Variants in ZNF385D observed in about 807,000 individuals in gnomAD.
ZNF385D encodes the protein zinc finger protein 659.
In ZNF385D, 15 loss-of-function variants were observed where a neutral mutation model predicts 35.8. The ratio of observed to expected loss-of-function variants is 0.42; its 90% CI spans 0.28 to 0.64. ZNF385D has a LOEUF of 0.64. ZNF385D is among the 30% of genes least tolerant of loss of function. The pLI, the probability that ZNF385D is intolerant of heterozygous loss-of-function variation, is 0.23. For missense variants in ZNF385D, 474 were observed against 494.6 expected, an observed-to-expected ratio of 0.96 and a Z score of 0.39; for synonymous variants, 212 against 186.8, an observed-to-expected ratio of 1.13 and a Z score of -1.10.
chr3:22,139,756 A>C (rs1376292589), intron 3 of ZNF385D, among the ~76,000 whole-genome samples: 1 of 151,462 alleles, frequency 6.6e-6, no homozygotes, highest in Non-Finnish European at 1.5e-5. Context: ...CCTAAAACTT[A>C]AAGTATAATA....
intron 3 of ZNF385D, among the ~76,000 whole-genome samples, chr3:21,928,895 C>A (rs537902967): frequency 6.6e-6 from 1 of 152,072 alleles, no homozygotes; most frequent in East Asian, 1.9e-4. Context: ...TTCTGTCAAA[C>A]AATTTAAAAG....
At chr3:21,548,448 T>C (rs959525332) in intron 3 of ZNF385D, among the ~76,000 whole-genome samples, 1 of 152,220 alleles carries the variant, frequency 6.6e-6, no homozygotes, top group African/African-American at 2.4e-5. Context: ...ATTGGAAATA[T>C]ATCTCTTGCT....
intron 2 of ZNF385D, among the ~76,000 whole-genome samples, chr3:22,178,413 C>T (rs903968170): frequency 3.3e-5 from 5 of 152,202 alleles, no homozygotes; most frequent in Non-Finnish European, 7.3e-5. Flanking sequence ...ATATCCTTCA[C>T]CCACTTGTTG....
intron 4 of ZNF385D, among the ~76,000 whole-genome samples, chr3:21,468,969 T>C (rs1703707327): frequency 6.6e-6 from 1 of 152,060 alleles, no homozygotes; most frequent in Admixed American, 6.6e-5. Flanking sequence ...TATATTACAT[T>C]CTAGAAAAGG....
At chr3:21,510,454 C>A (rs576934986) in intron 4 of ZNF385D, among the ~76,000 whole-genome samples, 1 of 152,070 alleles carries the variant, frequency 6.6e-6, no homozygotes, top group Non-Finnish European at 1.5e-5. Flanking sequence ...CTTATTGGGG[C>A]CTTCTCAATT....
chr3:21,718,533 T>A (rs949004326), intron 1 of ZNF385D, among the ~76,000 whole-genome samples: 15 of 152,328 alleles, frequency 9.8e-5, no homozygotes, highest in Admixed American at 4.6e-4. Flanking sequence ...TCTTATTTAA[T>A]CCTCTCAAAA....
chr3:22,126,059 T>C (rs1475229127), intron 3 of ZNF385D, among the ~76,000 whole-genome samples: 1 of 152,074 alleles, frequency 6.6e-6, no homozygotes, highest in Non-Finnish European at 1.5e-5. Context: ...ATGTAATATA[T>C]GCCTTTATTT....
chr3:21,639,038 C>A (rs1485000955), intron 2 of ZNF385D, among the ~76,000 whole-genome samples: 2 of 152,170 alleles, frequency 1.3e-5, no homozygotes, highest in East Asian at 3.9e-4. Flanking sequence ...AAAAGAGCAA[C>A]TCTAATTTGT....
intron 2 of ZNF385D, among the ~76,000 whole-genome samples, chr3:22,236,827 CT>C (rs1402816004): frequency 1.3e-5 from 2 of 152,074 alleles, no homozygotes; most frequent in African/African-American, 4.8e-5. Flanking sequence ...TTGTGTCTGG[CT>C]TCTTGGACTT....
At chr3:22,167,125 T>C (rs1479765811) in intron 3 of ZNF385D, among the ~76,000 whole-genome samples, 2 of 152,196 alleles carry the variant, frequency 1.3e-5, no homozygotes, top group Admixed American at 6.5e-5. Context: ...GCTTAAAGCC[T>C]GAAAGCCAAG....
Position 21,421,240 on chromosome 3 carries a change from T to A in ZNF385D, c.1162A>T (p.Thr388Ser). ...PAPGPIRTAH[T>S]PVLFAPY ...TAGTAAGGAGCAAACAGCACAGGAG[T>A]GTGGGCGGTCCGAATGGGTCCAGGA... The change falls in exon 8 of 8, where the codon ACT becomes TCT. Residue 388 changes from threonine (T) to serine (S), a missense_variant. By Grantham distance (58) the Thr-to-Ser change is moderately conservative. Coordinates refer to ENST00000281523, the MANE Select transcript of ZNF385D (RefSeq NM_024697.3). The A allele has an allele frequency of 6.2e-7, 1 of 1,613,812 alleles. No homozygotes were observed. Among genetic ancestry groups the A allele is most frequent in the Non-Finnish European group, 8.5e-7 (1 of 1,179,962 alleles).
intron 2 of ZNF385D, among the ~76,000 whole-genome samples, chr3:22,260,389 C>G (rs933384442): frequency 6.6e-6 from 1 of 151,810 alleles, no homozygotes; most frequent in African/African-American, 2.4e-5. Context: ...GGACAAATAC[C>G]TAATGCAAGC....
intron 3 of ZNF385D, among the ~76,000 whole-genome samples, chr3:22,027,337 G>A (rs1281664268): frequency 6.6e-6 from 1 of 152,220 alleles, no homozygotes; most frequent in Non-Finnish European, 1.5e-5. Flanking sequence ...GGAAGGTTCT[G>A]CAACAGCTCC....
rs1700571914 is a variant in ZNF385D, at chr3:21,923,373, G to T, written c.325+245444C>A. ...TCAAAAAACAACGCATGCTGGAGAG[G>T]CTGGAAAGAAAAGTGAATGTTTATA... On this transcript the variant is annotated intron_variant, in intron 3 of 5. Transcript: ENST00000494108. 1.3e-5 allele frequency among the ~76,000 whole-genome samples: 2 copies of T among 152,066 alleles called. 1 individual carries two copies. Among genetic ancestry groups the T allele is most frequent in the South Asian group, 4.1e-4 (2 of 4,824 alleles).
chr3:22,056,780 A>G (rs545849090), intron 3 of ZNF385D, among the ~76,000 whole-genome samples: 9 of 152,356 alleles, frequency 5.9e-5, no homozygotes, highest in South Asian at 2.1e-4. Context: ...GATTGGAATC[A>G]GTTGATCTCA....
chr3:21,895,774 T>C (rs1699104569), intron 3 of ZNF385D, among the ~76,000 whole-genome samples: 1 of 152,008 alleles, frequency 6.6e-6, no homozygotes, highest in Admixed American at 6.6e-5. Flanking sequence ...AGGAAAGAGC[T>C]AAATGATAAA....
intron 2 of ZNF385D, among the ~76,000 whole-genome samples, chr3:21,663,942 G>A (rs537125236): frequency 1.4e-5 from 1 of 71,572 alleles, no homozygotes; most frequent in East Asian, 2.9e-4. Context: ...TCCATCATGG[G>A]GACAAGATAT....
intron 3 of ZNF385D, among the ~76,000 whole-genome samples, chr3:21,797,320 TCCA>T (rs2072198913): frequency 6.6e-6 from 1 of 152,022 alleles, no homozygotes; most frequent in East Asian, 1.9e-4. Flanking sequence ...ATGACCAAAA[TCCA>T]GAACACTAAC....
At chr3:21,567,491 C>A (rs2063190076) in intron 2 of ZNF385D, among the ~76,000 whole-genome samples, 1 of 152,130 alleles carries the variant, frequency 6.6e-6, no homozygotes, top group Non-Finnish European at 1.5e-5. Flanking sequence ...TCATTCTGTT[C>A]TCTAGGATCA....
Sources: gnomAD v4.1 joint callset for allele counts (sites outside exome capture counted in the v4.1 genomes callset) on GRCh38, gnomAD v4.1.1 for gene constraint, MANE v1.5 for transcripts, NCBI Gene and HGNC (gene_info 2026-07-23, HGNC 2026-07-21) for gene names.